CAMSAP2: variants seen among roughly 807,000 people sequenced by gnomAD.
The protein encoded by CAMSAP2 is calmodulin regulated spectrin associated protein family member 2, also known as calmodulin-regulated spectrin-associated protein 2.
A neutral mutation model predicts 146.1 loss-of-function variants in CAMSAP2; 26 were observed. That is an observed-to-expected ratio of 0.18 (90% confidence interval 0.13 to 0.25). The LOEUF is 0.25. Among genes scored for constraint, CAMSAP2 ranks in the 10% least tolerant of loss-of-function variants. CAMSAP2 has a pLI of 1.00. For missense variants in CAMSAP2, 1,381 were observed against 1,759.3 expected, an observed-to-expected ratio of 0.78 and a Z score of 3.85; for synonymous variants, 499 against 596.6, an observed-to-expected ratio of 0.84 and a Z score of 2.38.
intron 11 of CAMSAP2, among the ~76,000 whole-genome samples, chr1:200,851,854 T>G (rs1667627303): frequency 6.6e-6 from 1 of 152,234 alleles, no homozygotes; most frequent in South Asian, 2.1e-4. Flanking sequence ...CTACAACAGC[T>G]TGTTACTTTG....
At chr1:200,750,867 T>C (rs559360734) in intron 1 of CAMSAP2, among the ~76,000 whole-genome samples, 1 of 150,486 alleles carries the variant, frequency 6.6e-6, no homozygotes, top group South Asian at 2.1e-4. Flanking sequence ...CCTTCCAAAA[T>C]GCTGGGATTA....
At chr1:200,816,604 AAAT>A (rs796156857) in intron 4 of CAMSAP2, among the ~76,000 whole-genome samples, 3,066 of 112,548 alleles carry the variant, frequency 0.027, 103 homozygotes, top group African/African-American at 0.071. Context: ...CAAAAAAAAA[AAAT>A]ATATATATAT....
At chr1:200,838,249 A>G (rs1667231857) in intron 6 of CAMSAP2, among the ~76,000 whole-genome samples, 1 of 152,190 alleles carries the variant, frequency 6.6e-6, no homozygotes, top group African/African-American at 2.4e-5. Flanking sequence ...TGTTCAACAG[A>G]TAATTATTGA....
At chr1:200,845,247 T>G (rs1365167177) in intron 8 of CAMSAP2, among the ~76,000 whole-genome samples, 1 of 100,114 alleles carries the variant, frequency 1.0e-5, no homozygotes, top group Non-Finnish European at 2.0e-5. Flanking sequence ...TCTTTGAAGG[T>G]TTTTCCTGCT....
intron 3 of CAMSAP2, among the ~76,000 whole-genome samples, chr1:200,815,161 T>C (rs1039763848): frequency 6.6e-5 from 10 of 152,186 alleles, no homozygotes; most frequent in Non-Finnish European, 1.3e-4. Flanking sequence ...TTCACAGTGT[T>C]ATTTATTGAT....
Position 200,849,750 on chromosome 1 carries a change from C to T in CAMSAP2, c.2981C>T (p.Pro994Leu), listed in dbSNP as rs1340811224. 3.1e-6 allele frequency: 5 copies of T among 1,614,140 alleles called. No individual in the cohort carries two copies. The highest frequency in any genetic ancestry group is 2.5e-6 in the Non-Finnish European group (3 of 1,180,012). ...ACACCTTTGAATCGAACCTTGACAC[C>T]TCCTCGGTCTGTGGATAGCCTTCCT... ...KITPLNRTLT[P>L]PRSVDSLPRL... The change falls in exon 11 of 17, where the codon CCT becomes CTT. Residue 994 changes from proline to leucine, a missense_variant. Coordinates refer to ENST00000358823, the MANE Select transcript of CAMSAP2 (RefSeq NM_203459.4). The surrounding 1 kb of genome is among the most constrained non-coding windows in gnomAD (Gnocchi z 6.3).
intron 2 of CAMSAP2, among the ~76,000 whole-genome samples, chr1:200,784,492 C>T (rs1233581866): frequency 6.6e-6 from 1 of 152,068 alleles, no homozygotes; most frequent in Non-Finnish European, 1.5e-5. Context: ...GATTCATATG[C>T]ACTTTGTTGA....
At chr1:200,761,151 G>T in intron 2 of CAMSAP2, 53 bp downstream of exon 2, 1 of 1,517,550 alleles carries the variant, frequency 6.6e-7, no homozygotes, top group East Asian at 2.3e-5. Flanking sequence ...GTACTTTTGA[G>T]TGTGAATGAT....
At chr1:200,783,679 A>G (rs1665505711) in intron 2 of CAMSAP2, among the ~76,000 whole-genome samples, 1 of 152,000 alleles carries the variant, frequency 6.6e-6, no homozygotes, top group Admixed American at 6.5e-5. Context: ...TTGTAGAAAC[A>G]GGGCCTCACT....
At chr1:200,810,037 T>G (rs1258797631) in intron 3 of CAMSAP2, among the ~76,000 whole-genome samples, 1 of 152,218 alleles carries the variant, frequency 6.6e-6, no homozygotes, top group Non-Finnish European at 1.5e-5. Flanking sequence ...AGGTCCCACC[T>G]TTCAGTACTG....
At chr1:200,769,479 C>T (rs1305383509) in intron 2 of CAMSAP2, among the ~76,000 whole-genome samples, 1 of 152,128 alleles carries the variant, frequency 6.6e-6, no homozygotes, top group African/African-American at 2.4e-5. Flanking sequence ...AGTGTCAGAT[C>T]CCACAGGTTG....
rs1491315859 is a variant in CAMSAP2 at position 200,782,783 on chromosome 1, T to TC, written c.399+21685_399+21686insC. Among the ~76,000 whole-genome samples the TC allele has an allele frequency of 7.2e-4, 36 of 50,064 alleles. No homozygotes were observed. In the South Asian group the frequency reaches 7.3e-3, roughly 10 times the overall value. The allele number at this position is 50,064 out of a possible 152,430, so 32.8% of individuals were successfully genotyped here. A position where few individuals can be genotyped will look rare whatever the true frequency, so the allele number is the denominator to read the frequency against. ...TTAGACATGTATTTTCATTTCTCTC[T>TC]TTTTTTTTTTTTTTTTTTTTTTTTT... On this transcript the variant is annotated intron_variant, in intron 2 of 16. Coordinates refer to ENST00000358823, the MANE Select transcript of CAMSAP2 (RefSeq NM_203459.4).
rs570957475 is a variant in CAMSAP2 at position 200,859,929 on chromosome 1, A to G, written c.*1870A>G. 29 of 152,658 alleles carry G rather than the reference A, an allele frequency of 1.9e-4. No individual in the cohort carries two copies. Among genetic ancestry groups the G allele is most frequent in the African/African-American group, 6.7e-4 (28 of 41,588 alleles). The allele number at this position is 152,658 out of a possible 1,614,324, so 9.5% of individuals were successfully genotyped here. A position where few individuals can be genotyped will look rare whatever the true frequency, so the allele number is the denominator to read the frequency against. On this transcript the variant is annotated 3_prime_UTR_variant, in exon 17 of 17. Coordinates refer to ENST00000358823, the MANE Select transcript of CAMSAP2 (RefSeq NM_203459.4). Reference sequence around the variant, plus strand: ...GCATTTTACGTTACTAAATTTGTTCATTTCAATATTAACTAAATTTCCCTC... The same window carrying G: ...GCATTTTACGTTACTAAATTTGTTCGTTTCAATATTAACTAAATTTCCCTC...
intron 2 of CAMSAP2, among the ~76,000 whole-genome samples, chr1:200,779,786 C>T (rs1417980464): frequency 6.6e-6 from 1 of 151,382 alleles, no homozygotes; most frequent in African/African-American, 2.4e-5. Flanking sequence ...TGTTTTTGGT[C>T]TTATATCTCA....
intron 2 of CAMSAP2, among the ~76,000 whole-genome samples, chr1:200,803,456 AATTAAACGTGT>A (rs1666086671): frequency 6.6e-6 from 1 of 152,234 alleles, no homozygotes; most frequent in Non-Finnish European, 1.5e-5. Flanking sequence ...TTAGGTAAGC[AATTAAACGTGT>A]ATATTTTATT....
Position 200,857,948 on chromosome 1 carries a change from C to T in CAMSAP2, c.4326C>T (p.His1442=), listed in dbSNP as rs779088101. ...ATTCTGACAGGAAACAGTTTAGCCA[C>T]ATACCCGCTAAAACTTTATCTGCCA... The part of the protein sequence containing the change: ...KYNSDRKQFS[H]IPAKTLSASV... Residue 1442 remains histidine (H), a synonymous_variant, in exon 17 of 17, where the codon CAC becomes CAT. Coordinates refer to ENST00000358823, the MANE Select transcript of CAMSAP2 (RefSeq NM_203459.4). The surrounding 1 kb of genome is among the most constrained non-coding windows in gnomAD (Gnocchi z 4.7). 1.2e-6 allele frequency: 2 copies of T among 1,613,898 alleles called. No individual in the cohort carries two copies. Among genetic ancestry groups the T allele is most frequent in the Non-Finnish European group, 1.7e-6 (2 of 1,179,836 alleles).
chr1:200,830,863 A>T (rs1274312730), intron 4 of CAMSAP2, among the ~76,000 whole-genome samples: 1 of 152,210 alleles, frequency 6.6e-6, no homozygotes. Context: ...AGAGGAAAAC[A>T]TGTTCCATGA....
At chr1:200,797,241 G>A (rs1160377654) in intron 2 of CAMSAP2, among the ~76,000 whole-genome samples, 7 of 150,274 alleles carry the variant, frequency 4.7e-5, no homozygotes, top group South Asian at 2.1e-4. Flanking sequence ...CTGAGGAATC[G>A]CCACACTGAC....
rs1664934222 is a variant in CAMSAP2, at chr1:200,765,835, T to C, written c.399+4737T>C. On this transcript the variant is annotated intron_variant, in intron 2 of 16. Transcript: ENST00000358823. ...CTCAAGATTGAACTGTGAAGGTATG[T>C]TAAGTATTATAAATTAAAATATTGA... Among the ~76,000 whole-genome samples the C allele has an allele frequency of 2.0e-5, 3 of 152,116 alleles. No homozygotes were observed. The South Asian group carries it at 6.2e-4, about 32-fold the overall frequency.
Sources: gnomAD v4.1 joint callset for allele counts (sites outside exome capture counted in the v4.1 genomes callset) on GRCh38, gnomAD v4.1.1 for gene constraint, Gnocchi (gnomAD v3.1) non-coding constraint, MANE v1.5 for transcripts, NCBI Gene and HGNC (gene_info 2026-07-23, HGNC 2026-07-21) for gene names.